The following RPTOR variants were observed in gnomAD, a reference collection of about 807,000 sequenced individuals.
RPTOR encodes regulatory associated protein of MTOR complex 1.
RPTOR carries 21 observed loss-of-function variants against 169.9 expected under a neutral mutation model. The ratio of observed to expected loss-of-function variants is 0.12; its 90% CI spans 0.09 to 0.18. RPTOR has a LOEUF of 0.18. Among genes scored for constraint, RPTOR ranks in the 10% least tolerant of loss-of-function variants. RPTOR has a pLI of 1.00. For missense variants in RPTOR, 1,133 were observed against 1,855.9 expected (o/e 0.61, Z 7.16); for synonymous variants, 732 against 753.2 (o/e 0.97, Z 0.46).
chr17:80,594,824 A>G (rs1031069079), intron 1 of RPTOR, among the ~76,000 whole-genome samples: 30 of 152,374 alleles, frequency 2.0e-4, no homozygotes, highest in African/African-American at 7.2e-4. Context: ...GTTGGTGAGT[A>G]GGATTTCTCC....
intron 5 of RPTOR, among the ~76,000 whole-genome samples, chr17:80,732,325 T>C (rs1004318544): frequency 1.3e-5 from 2 of 152,222 alleles, no homozygotes; most frequent in Non-Finnish European, 2.9e-5. Context: ...CCCGCTCCCC[T>C]TTCAGCAGAA....
At chr17:80,764,012 A>G (rs2066760772) in intron 6 of RPTOR, among the ~76,000 whole-genome samples, 1 of 152,184 alleles carries the variant, frequency 6.6e-6, no homozygotes, top group Non-Finnish European at 1.5e-5. Context: ...TTATATAAGC[A>G]CATAGCTACT....
rs376584481 is a variant in RPTOR at position 80,882,469 on chromosome 17, T to G, written c.1585-950T>G. Among the ~76,000 whole-genome samples the G allele has an allele frequency of 5.3e-4, 81 of 152,304 alleles. 1 individual carries two copies. The highest frequency in any genetic ancestry group is 3.4e-3 in the Middle Eastern group (1 of 294). On this transcript the variant is annotated intron_variant, in intron 14 of 33. Coordinates refer to ENST00000306801, the MANE Select transcript of RPTOR (RefSeq NM_020761.3). ...ACCGGCCCCAACAGCAGACCTCTCATCAGCAGCGGCTCTCGGCCGGGGACA... is the reference window on the plus strand; with the variant it reads ...ACCGGCCCCAACAGCAGACCTCTCAGCAGCAGCGGCTCTCGGCCGGGGACA...
At chr17:80,751,191 A>G (rs1024475689) in intron 5 of RPTOR, among the ~76,000 whole-genome samples, 8 of 152,196 alleles carry the variant, frequency 5.3e-5, no homozygotes, top group African/African-American at 9.7e-5. Context: ...TGTGTATTTC[A>G]TTCCGAAAGC....
intron 27 of RPTOR, among the ~76,000 whole-genome samples, chr17:80,948,908 C>T (rs569302090): frequency 6.6e-5 from 10 of 152,150 alleles, no homozygotes; most frequent in Non-Finnish European, 1.5e-4. Context: ...ACGTCTTAGG[C>T]GGAGAGCCCA....
At chr17:80,554,758 C>CAA (rs1219391629) in intron 1 of RPTOR, among the ~76,000 whole-genome samples, 1 of 125,176 alleles carries the variant, frequency 8.0e-6, no homozygotes, top group African/African-American at 2.9e-5. Context: ...CAAAACAAAA[C>CAA]AAAACAAAAC....
At position 80,862,474 on chromosome 17, in the gene RPTOR, A is replaced by AC. The variant is rs142115601; in HGVS notation, c.1509+4581dup. 5.8e-3 allele frequency among the ~76,000 whole-genome samples: 808 copies of AC among 139,746 alleles called. 12 individuals are homozygous for AC. The highest frequency in any genetic ancestry group is 0.021 in the African/African-American group (773 of 36,762). The allele number at this position is 139,746 out of a possible 152,430, so 91.7% of individuals were successfully genotyped here. On this transcript the variant is annotated intron_variant, in intron 13 of 33. Coordinates refer to ENST00000306801, the MANE Select transcript of RPTOR (RefSeq NM_020761.3). ...GGCGGTCCTCCGGATCTCCACCCCTACCCCCCCATGATGTGTGCACCCCCT... is the reference window on the plus strand; with the variant it reads ...GGCGGTCCTCCGGATCTCCACCCCTACCCCCCCCATGATGTGTGCACCCCCT...
intron 20 of RPTOR, among the ~76,000 whole-genome samples, chr17:80,904,246 C>T (rs979677283): frequency 4.6e-5 from 7 of 152,166 alleles, no homozygotes; most frequent in South Asian, 2.1e-4. Context: ...GGAAAGGGGC[C>T]GCTGCGGAAG....
chr17:80,709,082 A>C (rs565344063), intron 4 of RPTOR: 1 of 985,504 alleles, frequency 1.0e-6, no homozygotes, highest in Non-Finnish European at 1.2e-6. Context: ...GACCCTGGAC[A>C]CTGAGGAGTA....
At position 80,702,709 on chromosome 17, in the gene RPTOR, A is replaced by G. The variant is rs890599237; in HGVS notation, c.349-5132A>G. On this transcript the variant is annotated intron_variant, in intron 3 of 33. Transcript: ENST00000306801. ...AGCTAAATCCGTTTTTCGCAGCCCCATGGGATAAGACCTTCACAGAGCCAG... is the reference window on the plus strand; with the variant it reads ...AGCTAAATCCGTTTTTCGCAGCCCCGTGGGATAAGACCTTCACAGAGCCAG... 5.3e-5 allele frequency among the ~76,000 whole-genome samples: 8 copies of G among 152,206 alleles called. No homozygotes were observed. The South Asian group carries it at 1.7e-3, about 31-fold the overall frequency.
chr17:80,775,358 G>A (rs770874117), intron 6 of RPTOR, among the ~76,000 whole-genome samples: 2 of 152,076 alleles, frequency 1.3e-5, no homozygotes, highest in African/African-American at 4.8e-5. Flanking sequence ...CGATCCTCTC[G>A]CCTCAGCTTT....
At chr17:80,951,581 A>T (rs894621095) in intron 28 of RPTOR, among the ~76,000 whole-genome samples, 10 of 152,186 alleles carry the variant, frequency 6.6e-5, no homozygotes, top group African/African-American at 2.4e-4. Flanking sequence ...GTTGCACAGG[A>T]CATGGGAAAC....
chr17:80,869,183 A>G (rs1273541677), intron 13 of RPTOR, among the ~76,000 whole-genome samples: 1 of 152,142 alleles, frequency 6.6e-6, no homozygotes, highest in Non-Finnish European at 1.5e-5. Context: ...TTTCTGAGAT[A>G]GAGCCTCACT....
intron 1 of RPTOR, among the ~76,000 whole-genome samples, chr17:80,559,759 C>G (rs1358716875): frequency 2.0e-5 from 3 of 152,176 alleles, no homozygotes; most frequent in Non-Finnish European, 4.4e-5. Context: ...GAAACCAGCT[C>G]CATTGTCCTC....
chr17:80,742,799 C>T (rs148201200), intron 5 of RPTOR, among the ~76,000 whole-genome samples: 91 of 151,630 alleles, frequency 6.0e-4, no homozygotes, highest in East Asian at 5.4e-3. Context: ...CACATGCACA[C>T]GCCTATATAC....
chr17:80,786,772 A>G (rs762018317), intron 6 of RPTOR, among the ~76,000 whole-genome samples: 2 of 152,234 alleles, frequency 1.3e-5, no homozygotes, highest in South Asian at 4.1e-4. Context: ...TTCACCATGT[A>G]TATGGAACCA....
At chr17:80,735,797 G>A (rs1486247967) in intron 5 of RPTOR, among the ~76,000 whole-genome samples, 3 of 152,186 alleles carry the variant, frequency 2.0e-5, no homozygotes, top group Non-Finnish European at 4.4e-5. Flanking sequence ...GCATAGGCAA[G>A]TTTTTGGTGG....
Position 80,940,600 on chromosome 17 carries a change from G to C in RPTOR, c.3024G>C (p.Lys1008Asn). The C allele has an allele frequency of 6.2e-7, 1 of 1,607,802 alleles. No individual in the cohort carries two copies. The highest frequency in any genetic ancestry group is 1.3e-5 in the African/African-American group (1 of 74,876). The change falls in exon 25 of 34, where the codon AAG becomes AAC. Residue 1008 changes from lysine to asparagine, a missense_variant and splice_region_variant. Around this residue, in one of 9 missense-constraint regions of RPTOR, gnomAD observed 410 missense variants for 623.7 expected, o/e 0.66. Coordinates refer to ENST00000306801, the MANE Select transcript of RPTOR (RefSeq NM_020761.3). ...VRRQAQQVIQ[K>N]GITRLDDQIF... is the part of the protein sequence containing the mutation. ...GGCAGGCCCAGCAAGTCATTCAGAA[G>C]GGTAAGGGCACCCGCACAGCCAGCC...
intron 4 of RPTOR, among the ~76,000 whole-genome samples, chr17:80,724,734 C>T (rs778029036): frequency 3.3e-5 from 5 of 152,244 alleles, no homozygotes; most frequent in Non-Finnish European, 4.4e-5. Flanking sequence ...CTGTCTGCAC[C>T]TGCCCAGTGT....
Sources: allele counts gnomAD v4.1 joint callset (sites outside exome capture counted in the v4.1 genomes callset), GRCh38; gene constraint gnomAD v4.1.1; regional missense constraint gnomAD v4.1.1; transcripts MANE v1.5; gene names NCBI Gene and HGNC (gene_info 2026-07-23, HGNC 2026-07-21).